PHACTR3: variants seen among roughly 807,000 people sequenced by gnomAD.
PHACTR3 encodes protein phosphatase 1, regulatory subunit 123.
Under a neutral mutation model 66.8 loss-of-function variants are expected in PHACTR3, and 16 were observed. The ratio of observed to expected loss-of-function variants is 0.24; its 90% CI spans 0.16 to 0.36. PHACTR3 has a LOEUF of 0.36. Among genes scored for constraint, PHACTR3 ranks in the 10% least tolerant of loss-of-function variants. PHACTR3 has a pLI of 1.00. For synonymous variants in PHACTR3, 323 were observed against 292.1 expected, an observed-to-expected ratio of 1.11 and a Z score of -1.08; for missense variants, 647 against 719.9, an observed-to-expected ratio of 0.90 and a Z score of 1.16.
Position 59,668,288 on chromosome 20 carries a change from A to G in PHACTR3, c.118+63156A>G, listed in dbSNP as rs574344503. On this transcript the variant is annotated intron_variant, in intron 1 of 12. Coordinates refer to ENST00000371015, the MANE Select transcript of PHACTR3 (RefSeq NM_080672.5). ...GTTAGAGGTGGGCACGTACACCTGT[A>G]CGGGGTTAGAGGTGGACATATACGC... Among the ~76,000 whole-genome samples the G allele has an allele frequency of 4.9e-4, 75 of 152,108 alleles. 1 individual carries two copies. The highest frequency in any genetic ancestry group is 9.3e-4 in the Non-Finnish European group (63 of 67,994).
At chr20:59,837,406 C>A (rs780587854) in intron 9 of PHACTR3, among the ~76,000 whole-genome samples, 3 of 152,044 alleles carry the variant, frequency 2.0e-5, no homozygotes, top group African/African-American at 7.2e-5. Flanking sequence ...CAGAAAATAC[C>A]GCAGAGCCCC....
intron 1 of PHACTR3, among the ~76,000 whole-genome samples, chr20:59,700,660 C>A (rs1349343438): frequency 6.6e-6 from 1 of 152,114 alleles, no homozygotes; most frequent in Non-Finnish European, 1.5e-5. Flanking sequence ...TGAGAGTGAG[C>A]AGGTGGGGGC....
intron 1 of PHACTR3, among the ~76,000 whole-genome samples, chr20:59,719,747 T>C: frequency 6.6e-6 from 1 of 152,236 alleles, no homozygotes; most frequent in East Asian, 1.9e-4. Context: ...TAGTTGGTTT[T>C]AGTGACCCCT....
chr20:59,650,815 G>A (rs1414740812), intron 1 of PHACTR3, among the ~76,000 whole-genome samples: 2 of 150,888 alleles, frequency 1.3e-5, no homozygotes, highest in African/African-American at 2.4e-5. Context: ...ATGAGAAATC[G>A]TAAACAAGAA....
chr20:59,591,667 T>C (rs563737866), intron 1 of PHACTR3, among the ~76,000 whole-genome samples: 1 of 152,178 alleles, frequency 6.6e-6, no homozygotes, highest in African/African-American at 2.4e-5. Context: ...TTGAGACCCA[T>C]TGAGATCCAT....
intron 1 of PHACTR3, among the ~76,000 whole-genome samples, chr20:59,616,355 T>C (rs1003637731): frequency 2.0e-5 from 3 of 152,170 alleles, no homozygotes; most frequent in Non-Finnish European, 4.4e-5. Flanking sequence ...TGGTGCAGTT[T>C]TGAGGCTCCC....
chr20:59,586,878 G>A lies in PHACTR3; in HGVS notation c.109+9261G>A, dbSNP rs565938952. On this transcript the variant is annotated intron_variant, in intron 1 of 12. Coordinates refer to the PHACTR3 transcript ENST00000359926. ...ACAGAGTAACGTGCCCAAGGTCACA[G>A]CTGCTGAGCCGAATTTGAGCCTGGA... is the stretch of plus-strand genomic sequence containing the variant. 5.3e-5 allele frequency among the ~76,000 whole-genome samples: 8 copies of A among 152,348 alleles called. 1 individual carries two copies. The South Asian group carries it at 1.7e-3, about 32-fold the overall frequency.
chr20:59,786,660 C>T (rs1012804881), intron 7 of PHACTR3, among the ~76,000 whole-genome samples: 3 of 152,116 alleles, frequency 2.0e-5, no homozygotes, highest in South Asian at 2.1e-4. Flanking sequence ...GTGCCATTGA[C>T]GGGTGTCCAT....
intron 1 of PHACTR3, among the ~76,000 whole-genome samples, chr20:59,666,101 C>T (rs1017374585): frequency 1.3e-5 from 2 of 152,148 alleles, no homozygotes; most frequent in Admixed American, 6.5e-5. Context: ...GCATGCCTTG[C>T]AGGGAGGCAT....
chr20:59,808,614 G>A (rs957800889), intron 8 of PHACTR3, among the ~76,000 whole-genome samples: 1 of 152,194 alleles, frequency 6.6e-6, no homozygotes, highest in Non-Finnish European at 1.5e-5. Context: ...ACCAGCTCCC[G>A]GAGCGCCAGT....
intron 8 of PHACTR3, among the ~76,000 whole-genome samples, chr20:59,834,791 C>T (rs990519746): frequency 6.6e-6 from 1 of 152,250 alleles, no homozygotes; most frequent in African/African-American, 2.4e-5. Flanking sequence ...TGACCACTCT[C>T]TCAGATGATT....
chr20:59,787,880 T>C (rs2040965689), intron 7 of PHACTR3, among the ~76,000 whole-genome samples: 1 of 152,198 alleles, frequency 6.6e-6, no homozygotes, highest in African/African-American at 2.4e-5. Flanking sequence ...AGGTGTGGAA[T>C]GGTAGAGATC....
At chr20:59,668,675 A>C (rs1183938629) in intron 1 of PHACTR3, among the ~76,000 whole-genome samples, 1 of 152,150 alleles carries the variant, frequency 6.6e-6, no homozygotes, top group Non-Finnish European at 1.5e-5. Context: ...AATTCAACAG[A>C]ACAATTCAAT....
chr20:59,687,160 A>G (rs548980460), intron 1 of PHACTR3, among the ~76,000 whole-genome samples: 4 of 148,522 alleles, frequency 2.7e-5, no homozygotes, highest in African/African-American at 9.9e-5. Context: ...GACGATGGTG[A>G]TTGTGATGGT....
chr20:59,739,676 A>G (rs1212331195), intron 1 of PHACTR3, among the ~76,000 whole-genome samples: 1 of 152,148 alleles, frequency 6.6e-6, no homozygotes, highest in African/African-American at 2.4e-5. Flanking sequence ...CTCTTGACAC[A>G]TGGAGATTAT....
At chr20:59,756,567 GGTCTGAGAGTTGTGACTTCTGGA>G (rs543896180) in intron 4 of PHACTR3, among the ~76,000 whole-genome samples, 3,393 of 152,250 alleles carry the variant, frequency 0.022, 58 homozygotes, top group Non-Finnish European at 0.035. Context: ...TGGAATTTGG[GGTCTGAGAGTTGTGACTTCTGGA>G]GGGTCCCAGC....
chr20:59,815,620 T>C (rs2041866471), intron 8 of PHACTR3, among the ~76,000 whole-genome samples: 1 of 152,126 alleles, frequency 6.6e-6, no homozygotes, highest in Non-Finnish European at 1.5e-5. Context: ...AAACAGTGTT[T>C]CACCATGTTG....
intron 1 of PHACTR3, among the ~76,000 whole-genome samples, chr20:59,675,515 A>T (rs1179277903): frequency 6.6e-6 from 1 of 152,144 alleles, no homozygotes; most frequent in Non-Finnish European, 1.5e-5. Flanking sequence ...GTCTCCGAGG[A>T]TCAGAGAGGT....
intron 8 of PHACTR3, among the ~76,000 whole-genome samples, chr20:59,825,624 A>T (rs968299863): frequency 6.6e-6 from 1 of 152,208 alleles, no homozygotes; most frequent in African/African-American, 2.4e-5. Context: ...CTGGGGAGCA[A>T]CCTGTGCAGA....
Sources: allele counts gnomAD v4.1 joint callset (sites outside exome capture counted in the v4.1 genomes callset), GRCh38; gene constraint gnomAD v4.1.1; transcripts MANE v1.5; gene names NCBI Gene and HGNC (gene_info 2026-07-23, HGNC 2026-07-21).